The following SLC39A11 variants were observed in gnomAD, a reference collection of about 807,000 sequenced individuals.
SLC39A11 encodes solute carrier family 39 member 11, also known as zinc transporter ZIP11.
In SLC39A11, 33 loss-of-function variants were observed where a neutral mutation model predicts 36.1. That is an observed-to-expected ratio of 0.91 (90% CI 0.69 to 1.22). The LOEUF is 1.22. Among genes scored for constraint, SLC39A11 ranks in the 50% most tolerant of loss-of-function variants. SLC39A11 has a pLI of 0.00. For synonymous variants in SLC39A11, 166 were observed against 170.3 expected, an observed-to-expected ratio of 0.97 and a Z score of 0.20; for missense variants, 432 against 430.3, an observed-to-expected ratio of 1.00 and a Z score of -0.03.
At chr17:72,771,893 G>A (rs1029111662) in intron 6 of SLC39A11, among the ~76,000 whole-genome samples, 5 of 152,184 alleles carry the variant, frequency 3.3e-5, no homozygotes, top group Non-Finnish European at 7.3e-5. Flanking sequence ...GGGGAAGGAA[G>A]GGCAAGGCAC....
intron 3 of SLC39A11, among the ~76,000 whole-genome samples, chr17:73,046,427 C>T (rs1258630413): frequency 6.6e-6 from 1 of 152,002 alleles, no homozygotes; most frequent in Non-Finnish European, 1.5e-5. Context: ...GGGCAGAATC[C>T]CAAAGGAGAA....
chr17:73,027,792 C>A (rs1274233396), intron 4 of SLC39A11, among the ~76,000 whole-genome samples: 1 of 152,222 alleles, frequency 6.6e-6, no homozygotes, highest in Non-Finnish European at 1.5e-5. Flanking sequence ...GGGGCCTGTG[C>A]CTGAATGGTC....
rs982504766 is a variant in SLC39A11 at position 72,668,397 on chromosome 17, G to A, written c.672-19129C>T. Among the ~76,000 whole-genome samples, 5 of 151,948 alleles carry A rather than the reference G, an allele frequency of 3.3e-5. No homozygotes were observed. The East Asian group carries it at 5.8e-4, about 18-fold the overall frequency. The stretch of plus-strand genomic sequence containing the variant: ...AAATATTCCCAAGGTGCCAAACTCC[G>A]GTCTTCTGGGTGGGAGGAAGCCAAT... On this transcript the variant is annotated intron_variant, in intron 7 of 9. Coordinates refer to ENST00000255559, the MANE Select transcript of SLC39A11 (RefSeq NM_139177.4).
chr17:72,697,673 C>T (rs2072371052), intron 7 of SLC39A11, among the ~76,000 whole-genome samples: 1 of 152,176 alleles, frequency 6.6e-6, no homozygotes, highest in Non-Finnish European at 1.5e-5. Context: ...CTGAGAAACA[C>T]TGAGTCATAT....
At chr17:72,699,450 G>T (rs1308036734) in intron 7 of SLC39A11, among the ~76,000 whole-genome samples, 1 of 152,126 alleles carries the variant, frequency 6.6e-6, no homozygotes, top group South Asian at 2.1e-4. Context: ...GGCTTGGCCT[G>T]GGAATCTATC....
At chr17:72,798,105 G>T (rs958073989) in intron 6 of SLC39A11, among the ~76,000 whole-genome samples, 1 of 152,114 alleles carries the variant, frequency 6.6e-6, no homozygotes, top group Non-Finnish European at 1.5e-5. Context: ...TGTATCACTA[G>T]GAGAAGTAGG....
At chr17:72,807,547 C>T (rs539805437) in intron 6 of SLC39A11, among the ~76,000 whole-genome samples, 1 of 152,192 alleles carries the variant, frequency 6.6e-6, no homozygotes, top group African/African-American at 2.4e-5. Flanking sequence ...ATTATCAACC[C>T]CACCCACTGA....
intron 6 of SLC39A11, among the ~76,000 whole-genome samples, chr17:72,838,715 C>T (rs1339339525): frequency 6.6e-6 from 1 of 152,086 alleles, no homozygotes. Flanking sequence ...AGAGATTGAG[C>T]GACAGATCAT....
chr17:72,798,452 T>G (rs1421577649), intron 6 of SLC39A11, among the ~76,000 whole-genome samples: 1 of 146,478 alleles, frequency 6.8e-6, no homozygotes, highest in African/African-American at 2.5e-5. Context: ...CTCACTCTGT[T>G]GCCCAGTCTG....
intron 5 of SLC39A11, among the ~76,000 whole-genome samples, chr17:72,909,738 TTTTTCTTTTTTC>T: frequency 1.0e-5 from 1 of 99,356 alleles, no homozygotes; most frequent in South Asian, 3.4e-4. Flanking sequence ...TTCTTTCTTT[TTTTTCTTTTTTC>T]TTTTTTTTTT....
intron 5 of SLC39A11, among the ~76,000 whole-genome samples, chr17:72,905,223 G>A (rs1242912599): frequency 1.4e-5 from 2 of 143,488 alleles, no homozygotes; most frequent in African/African-American, 5.2e-5. Context: ...TGATTCTCCT[G>A]GAGAATGACC....
chr17:72,946,823 C>T (rs141105824), intron 5 of SLC39A11, among the ~76,000 whole-genome samples: 161 of 152,292 alleles, frequency 1.1e-3, no homozygotes, highest in African/African-American at 3.4e-3. Context: ...CGTCTGACCC[C>T]GAGGCTGGAA....
At chr17:72,777,019 G>T (rs1191892626) in intron 6 of SLC39A11, among the ~76,000 whole-genome samples, 1 of 152,198 alleles carries the variant, frequency 6.6e-6, no homozygotes, top group Non-Finnish European at 1.5e-5. Flanking sequence ...CTTCCTGGGG[G>T]GCCGTGAGGA....
intron 7 of SLC39A11, among the ~76,000 whole-genome samples, chr17:72,686,552 C>T (rs2071760605): frequency 8.9e-6 from 1 of 111,934 alleles, no homozygotes; most frequent in Non-Finnish European, 1.9e-5. Context: ...GGTGGAGCTC[C>T]CTCTCAACAT....
intron 2 of SLC39A11, among the ~76,000 whole-genome samples, chr17:73,088,219 G>A (rs1043675629): frequency 1.4e-4 from 22 of 151,940 alleles, no homozygotes; most frequent in African/African-American, 4.4e-4. Context: ...ACTTGAACCC[G>A]GGAGGTGGAG....
rs139307300 is a variant in SLC39A11 at position 73,009,230 on chromosome 17, G to A, written c.306+22326C>T. 5.3e-3 allele frequency among the ~76,000 whole-genome samples: 800 copies of A among 151,904 alleles called. 9 individuals are homozygous for A. The highest frequency in any genetic ancestry group is 0.018 in the African/African-American group (764 of 41,422). On this transcript the variant is annotated intron_variant, in intron 4 of 9. Transcript: ENST00000255559. The stretch of plus-strand genomic sequence containing the variant: ...TATGAAAACGAAAAATTAGCCAGGT[G>A]TGGTGGCGGGCATCTGTAGTCCCCG...
chr17:72,952,023 T>G (rs1463094993), intron 4 of SLC39A11, among the ~76,000 whole-genome samples: 1 of 152,106 alleles, frequency 6.6e-6, no homozygotes, highest in East Asian at 1.9e-4. Context: ...TTTTAAAAGC[T>G]AGACAGAGAT....
At chr17:72,654,606 T>C (rs2070020596) in intron 7 of SLC39A11, among the ~76,000 whole-genome samples, 1 of 152,210 alleles carries the variant, frequency 6.6e-6, no homozygotes, top group Admixed American at 6.5e-5. Context: ...CAGCATCTCC[T>C]TGTAGCCCTC....
intron 7 of SLC39A11, among the ~76,000 whole-genome samples, chr17:72,662,610 G>C (rs1424774619): frequency 1.6e-5 from 2 of 122,808 alleles, no homozygotes; most frequent in East Asian, 4.6e-4. Context: ...AAGGAAGGAA[G>C]GAAGGAGAGA....
Sources: gnomAD v4.1 joint callset for allele counts (sites outside exome capture counted in the v4.1 genomes callset) on GRCh38, gnomAD v4.1.1 for gene constraint, MANE v1.5 for transcripts, NCBI Gene and HGNC (gene_info 2026-07-23, HGNC 2026-07-21) for gene names.